PLCL1: variants seen among roughly 807,000 people sequenced by gnomAD.
PLCL1 encodes inactive phospholipase C-like protein 1.
PLCL1 carries 41 observed loss-of-function variants against 84.4 expected under a neutral mutation model. The ratio of observed to expected loss-of-function variants is 0.49; its 90% CI spans 0.38 to 0.63. The LOEUF is 0.63. Among genes scored for constraint, PLCL1 ranks in the 30% least tolerant of loss-of-function variants. The pLI, the probability that PLCL1 is intolerant of heterozygous loss-of-function variation, is 0.00. For missense variants in PLCL1, 1,206 were observed against 1,367.8 expected, an observed-to-expected ratio of 0.88 and a Z score of 1.87; for synonymous variants, 490 against 488.3, an observed-to-expected ratio of 1.00 and a Z score of -0.05.
At chr2:198,072,403 G>A (rs895159335) in intron 1 of PLCL1, among the ~76,000 whole-genome samples, 2 of 151,066 alleles carry the variant, frequency 1.3e-5, no homozygotes, top group Non-Finnish European at 3.0e-5. Flanking sequence ...TCGGTAAATA[G>A]TTATATTTTC....
intron 1 of PLCL1, among the ~76,000 whole-genome samples, chr2:197,945,924 T>A (rs766323996): frequency 2.0e-4 from 30 of 152,164 alleles, no homozygotes; most frequent in Non-Finnish European, 3.8e-4. Flanking sequence ...GTACACACAT[T>A]TTTATTAGAA....
intron 1 of PLCL1, among the ~76,000 whole-genome samples, chr2:197,893,149 A>G (rs1027407330): frequency 2.0e-5 from 3 of 152,240 alleles, no homozygotes; most frequent in Admixed American, 2.0e-4. Context: ...TTAATCAGAT[A>G]TAACCAACAG....
At chr2:198,139,386 T>A (rs553261919) in intron 5 of PLCL1, among the ~76,000 whole-genome samples, 1 of 152,206 alleles carries the variant, frequency 6.6e-6, no homozygotes. Flanking sequence ...TACATTTGCA[T>A]TATCATTTTC....
rs142121570 is a variant in PLCL1, at chr2:198,084,930, C to T, written c.1413C>T (p.Val471=). The change falls in exon 2 of 6, where the codon GTC becomes GTT. Residue 471 remains valine (V), a synonymous_variant. Transcript: ENST00000428675. ...NMTTHVSFRS[V]IEVINKFAFV... Reference sequence around the variant, plus strand: ...CAACCCATGTTTCCTTTCGAAGTGTCATAGAGGTAATAAATAAATTTGCCT... The same window carrying T: ...CAACCCATGTTTCCTTTCGAAGTGTTATAGAGGTAATAAATAAATTTGCCT... The T allele has an allele frequency of 3.1e-6, 5 of 1,613,790 alleles. No homozygotes were observed. The African/African-American group carries it at 5.3e-5, about 17-fold the overall frequency.
chr2:198,127,507 A>G (rs985607635), intron 5 of PLCL1, among the ~76,000 whole-genome samples: 7 of 152,186 alleles, frequency 4.6e-5, no homozygotes, highest in African/African-American at 1.7e-4. Flanking sequence ...GTGAAAGCAA[A>G]TAGCTAGATA....
Position 198,130,739 on chromosome 2 carries a change from C to G in PLCL1, c.3106-16041C>G, listed in dbSNP as rs138637184. Among the ~76,000 whole-genome samples, 191 of 152,192 alleles carry G rather than the reference C, an allele frequency of 1.3e-3. 1 individual carries two copies. Among genetic ancestry groups the G allele is most frequent in the African/African-American group, 4.3e-3 (180 of 41,538 alleles). ...TGATCCTTTTCTTAACTCTCCACCT[C>G]TAATTGGTTAGCAAGCACCGTTGGG... is the stretch of plus-strand genomic sequence containing the variant. On this transcript the variant is annotated intron_variant, in intron 5 of 5. Transcript: ENST00000428675.
chr2:198,060,700 T>C (rs1409739035), intron 1 of PLCL1, among the ~76,000 whole-genome samples: 1 of 152,254 alleles, frequency 6.6e-6, no homozygotes, highest in Non-Finnish European at 1.5e-5. Context: ...AGTTCAAATT[T>C]ATGTTTTGAA....
At chr2:198,006,872 C>T (rs1449684839) in intron 1 of PLCL1, among the ~76,000 whole-genome samples, 2 of 152,178 alleles carry the variant, frequency 1.3e-5, no homozygotes, top group African/African-American at 2.4e-5. Context: ...AAACCTTTTA[C>T]CAGTTTCTAA....
intron 1 of PLCL1, among the ~76,000 whole-genome samples, chr2:197,933,990 T>C (rs1223173362): frequency 6.6e-6 from 1 of 152,136 alleles, no homozygotes; most frequent in Non-Finnish European, 1.5e-5. Flanking sequence ...TGTGAATTGC[T>C]CCCGGAAATC....
intron 1 of PLCL1, among the ~76,000 whole-genome samples, chr2:198,013,613 C>A (rs1451102961): frequency 6.6e-6 from 1 of 152,090 alleles, no homozygotes; most frequent in Non-Finnish European, 1.5e-5. Context: ...TCTGAGAAAG[C>A]GTATCATAGG....
chr2:198,077,730 C>A (rs1692613843), intron 1 of PLCL1, among the ~76,000 whole-genome samples: 2 of 152,186 alleles, frequency 1.3e-5, no homozygotes, highest in South Asian at 4.1e-4. Flanking sequence ...CATTGGGCAA[C>A]TTCACCTAGA....
In PLCL1 at chr2:197,804,628, C is replaced by T. The variant is rs529681870; in HGVS notation, c.-472C>T. ...GGAGGCCGCCGCCGCCGCCGCACTT[C>T]CTGGGACCGCTGCGCCGCAGTCCGC... On this transcript the variant is annotated 5_prime_UTR_variant, in exon 1 of 6. Transcript: ENST00000428675. The T allele has an allele frequency of 6.8e-6, 1 of 148,046 alleles. No homozygotes were observed. Among genetic ancestry groups the T allele is most frequent in the Non-Finnish European group, 1.5e-5 (1 of 67,906 alleles). 9.2% of individuals were successfully genotyped at this position (148,046 alleles called of 1,614,324 possible).
intron 1 of PLCL1, among the ~76,000 whole-genome samples, chr2:197,914,195 C>T (rs751205747): frequency 3.3e-5 from 5 of 151,966 alleles, no homozygotes; most frequent in African/African-American, 4.8e-5. Context: ...TTTACACATT[C>T]GTAATGTTGG....
chr2:197,913,821 C>G (rs1340702317), intron 1 of PLCL1, among the ~76,000 whole-genome samples: 1 of 152,072 alleles, frequency 6.6e-6, no homozygotes, highest in African/African-American at 2.4e-5. Flanking sequence ...CCTTGGACCC[C>G]ATGGTGGAGG....
intron 1 of PLCL1, among the ~76,000 whole-genome samples, chr2:197,980,162 A>T (rs1302506391): frequency 2.0e-5 from 3 of 152,170 alleles, no homozygotes; most frequent in African/African-American, 7.2e-5. Context: ...GCCTTGAATG[A>T]CACAGGTATG....
chr2:197,890,842 TGCAC>T (rs1688011860), intron 1 of PLCL1, among the ~76,000 whole-genome samples: 1 of 22,142 alleles, frequency 4.5e-5, no homozygotes, highest in African/African-American at 5.7e-4. Flanking sequence ...CATATATATA[TGCAC>T]GCATATATAT....
chr2:197,818,539 TG>T (rs1690739170), intron 1 of PLCL1, among the ~76,000 whole-genome samples: 2 of 152,120 alleles, frequency 1.3e-5, no homozygotes, highest in South Asian at 2.1e-4. Flanking sequence ...GATTCTTTTT[TG>T]TTTGCTTGTT....
chr2:197,938,809 T>G (rs1689098125), intron 1 of PLCL1, among the ~76,000 whole-genome samples: 1 of 152,210 alleles, frequency 6.6e-6, no homozygotes, highest in South Asian at 2.1e-4. Flanking sequence ...AATGCATAGC[T>G]GTTGCATTCC....
At chr2:198,001,877 T>G (rs1282974380) in intron 1 of PLCL1, 2 of 328,056 alleles carry the variant, frequency 6.1e-6, no homozygotes, top group Non-Finnish European at 1.2e-5. Context: ...ACTGTGCGTG[T>G]GAGGGATCTA....
Sources: allele counts gnomAD v4.1 joint callset (sites outside exome capture counted in the v4.1 genomes callset), GRCh38; gene constraint gnomAD v4.1.1; transcripts MANE v1.5; gene names NCBI Gene and HGNC (gene_info 2026-07-23, HGNC 2026-07-21).